Variants in LZTFL1 observed in about 807,000 individuals in gnomAD.
The protein encoded by LZTFL1 is leucine zipper transcription factor-like protein 1.
In LZTFL1, 25 loss-of-function variants were observed where a neutral mutation model predicts 45.9. The ratio of observed to expected loss-of-function variants is 0.54; its 90% CI spans 0.40 to 0.76. The LOEUF is 0.76. Among genes scored for constraint, LZTFL1 ranks in the 30% least tolerant of loss-of-function variants. The pLI is 0.00. For missense variants in LZTFL1, 277 were observed against 331.1 expected (o/e 0.84, Z 1.27); for synonymous variants, 93 against 117.4 (o/e 0.79, Z 1.35).
At chr3:45,883,631 A>AG in intron 2 of LZTFL1, 1 of 420,090 alleles carries the variant, frequency 2.4e-6, no homozygotes, top group South Asian at 4.7e-5. Context: ...TAAGTCAAAA[A>AG]GGTCAGCGCT....
Position 45,824,628 on chromosome 3 carries a change from C to T in LZTFL1, c.*1686G>A. ...GCAATATAGGTTTCTTATCAACATA[C>T]CTTTTTTCCTCACTGGTTTCAAACT... On this transcript the variant is annotated 3_prime_UTR_variant, in exon 10 of 10. Coordinates refer to ENST00000296135, the MANE Select transcript of LZTFL1 (RefSeq NM_020347.4). The T allele has an allele frequency of 7.6e-6, 3 of 392,886 alleles. No homozygotes were observed. Among genetic ancestry groups the T allele is most frequent in the Non-Finnish European group, 4.5e-6 (1 of 222,770 alleles). The allele number at this position is 392,886 out of a possible 1,614,324, so 24.3% of individuals were successfully genotyped here.
intron 2 of LZTFL1, among the ~76,000 whole-genome samples, chr3:45,874,364 T>C (rs1466622646): frequency 6.6e-6 from 1 of 152,202 alleles, no homozygotes; most frequent in Non-Finnish European, 1.5e-5. Context: ...TGCTAAGTCC[T>C]TTATTTAATA....
exon 1 of LZTFL1, chr3:45,915,475 CTCAG>C (rs1702880804): frequency 4.4e-6 from 2 of 456,090 alleles, no homozygotes; most frequent in South Asian, 1.6e-5. Flanking sequence ...TCCTCCGAGG[CTCAG>C]TCAGAGTCGG....
At chr3:45,897,975 CAAAAAA>C (rs72284250) in intron 2 of LZTFL1, among the ~76,000 whole-genome samples, 1 of 105,990 alleles carries the variant, frequency 9.4e-6, no homozygotes, top group Admixed American at 9.7e-5. Flanking sequence ...GCTATTTGAC[CAAAAAA>C]AAAAAAAAAA....
At chr3:45,888,986 ATTTG>A (rs1224972998) in intron 2 of LZTFL1, among the ~76,000 whole-genome samples, 6 of 152,108 alleles carry the variant, frequency 3.9e-5, no homozygotes, top group African/African-American at 1.2e-4. Flanking sequence ...GATATATACT[ATTTG>A]TTTATTTATT....
chr3:45,837,373 C>A (rs1350616379), intron 2 of LZTFL1, among the ~76,000 whole-genome samples: 1 of 152,158 alleles, frequency 6.6e-6, no homozygotes, highest in Non-Finnish European at 1.5e-5. Flanking sequence ...GCAGCTGGAG[C>A]TCACTTGGAG....
Position 45,837,913 on chromosome 3 carries a change from TC to T in LZTFL1, c.128+13del, listed in dbSNP as rs750701550. ...ATGTTCCTATTTGGTTTGCTTAGAG[TC>T]CTCCTCTGATACCTGCTCTCCTTGA... On this transcript the variant is annotated intron_variant, in intron 2 of 9. Coordinates refer to ENST00000296135, the MANE Select transcript of LZTFL1 (RefSeq NM_020347.4). 81 of 1,597,654 alleles carry T rather than the reference TC, an allele frequency of 5.1e-5. No homozygotes were observed. The highest frequency in any genetic ancestry group is 3.4e-4 in the Middle Eastern group (2 of 5,956).
chr3:45,912,703 G>A (rs566632959), intron 2 of LZTFL1, among the ~76,000 whole-genome samples: 1 of 152,152 alleles, frequency 6.6e-6, no homozygotes, highest in Non-Finnish European at 1.5e-5. Context: ...TAGCCAATGA[G>A]CAGCCAACCC....
intron 4 of LZTFL1, among the ~76,000 whole-genome samples, chr3:45,849,169 A>G (rs1043457627): frequency 6.6e-6 from 1 of 152,218 alleles, no homozygotes; most frequent in African/African-American, 2.4e-5. Flanking sequence ...TAATGTGATC[A>G]CCTTTTAGGA....
Position 45,828,542 on chromosome 3 carries a change from G to A in LZTFL1, c.674C>T (p.Thr225Ile). ...CTGGTTTTCTGTCTTGTCATTAAGT[G>A]TCTTCTGAAACTCACTCTTTAAGGC... Reference protein sequence around the residue: ...VAALKSEFQKTLNDKTENQKS... With the variant: ...VAALKSEFQKILNDKTENQKS... Residue 225 changes from threonine to isoleucine, a missense_variant, in exon 8 of 10, where the codon ACA (threonine) becomes ATA (isoleucine). Transcript: ENST00000296135. 6.2e-7 allele frequency: 1 copy of A among 1,614,088 alleles called. No homozygotes were observed. Among genetic ancestry groups the A allele is most frequent in the East Asian group, 2.2e-5 (1 of 44,888 alleles).
At chr3:45,908,960 G>A (rs904958281) in intron 2 of LZTFL1, among the ~76,000 whole-genome samples, 2 of 152,056 alleles carry the variant, frequency 1.3e-5, no homozygotes, top group African/African-American at 2.4e-5. Flanking sequence ...GCTCCCCATC[G>A]CCTGCATCAC....
intron 5 of LZTFL1, among the ~76,000 whole-genome samples, chr3:45,832,336 A>G (rs1048259020): frequency 1.3e-5 from 2 of 152,218 alleles, no homozygotes; most frequent in African/African-American, 4.8e-5. Flanking sequence ...AATGTTGAGA[A>G]TACAAGGGTC....
chr3:45,855,013 C>G (rs1333331070), exon 4 of LZTFL1: 4 of 1,535,212 alleles, frequency 2.6e-6, no homozygotes, highest in African/African-American at 1.4e-5. Context: ...CTTAGCCCAG[C>G]TTCTTGGAAA....
chr3:45,897,378 C>T (rs1468609106), intron 2 of LZTFL1, among the ~76,000 whole-genome samples: 1 of 152,156 alleles, frequency 6.6e-6, no homozygotes, highest in Non-Finnish European at 1.5e-5. Context: ...TGCAAAAGCA[C>T]GAGGTCCTTA....
chr3:45,873,430 T>G (rs1343113307), intron 2 of LZTFL1, among the ~76,000 whole-genome samples: 1 of 152,236 alleles, frequency 6.6e-6, no homozygotes, highest in Non-Finnish European at 1.5e-5. Context: ...CTTGCCTTAC[T>G]TGCCTTCCCA....
rs1575264004 is a variant in LZTFL1 at position 45,842,040 on chromosome 3, T to C, written c.-49A>G. On this transcript the variant is annotated 5_prime_UTR_variant, in exon 1 of 10. Coordinates refer to ENST00000296135, the MANE Select transcript of LZTFL1 (RefSeq NM_020347.4). ...TAAAGGAACGGGAGAGGCCAGGCGG[T>C]GCCCCGCCAAGCCTGGGATCGCCGA... is the stretch of plus-strand genomic sequence containing the variant. The C allele has an allele frequency of 6.2e-7, 1 of 1,600,124 alleles. No individual in the cohort carries two copies. Among genetic ancestry groups the C allele is most frequent in the Non-Finnish European group, 8.5e-7 (1 of 1,175,668 alleles).
intron 2 of LZTFL1, among the ~76,000 whole-genome samples, chr3:45,867,088 C>T (rs1701589344): frequency 7.6e-6 from 1 of 131,038 alleles, no homozygotes; most frequent in Admixed American, 9.2e-5. Flanking sequence ...GCTGAGGTTG[C>T]AGTGAGCCGA....
intron 2 of LZTFL1, among the ~76,000 whole-genome samples, chr3:45,877,747 T>TG (rs1368747220): frequency 6.6e-6 from 1 of 151,352 alleles, no homozygotes; most frequent in Non-Finnish European, 1.5e-5. Flanking sequence ...ATTAGTTTTT[T>TG]TTTTTTTTTT....
At chr3:45,879,467 G>T (rs909860813) in intron 2 of LZTFL1, among the ~76,000 whole-genome samples, 1 of 152,190 alleles carries the variant, frequency 6.6e-6, no homozygotes, top group African/African-American at 2.4e-5. Flanking sequence ...AGAAAAACTG[G>T]AGACAGTAAA....
Sources: allele counts gnomAD v4.1 joint callset (sites outside exome capture counted in the v4.1 genomes callset), GRCh38; gene constraint gnomAD v4.1.1; transcripts MANE v1.5; gene names NCBI Gene and HGNC (gene_info 2026-07-23, HGNC 2026-07-21).